The following NWD2 variants were observed in gnomAD, a reference collection of about 807,000 sequenced individuals.
NWD2 encodes NACHT and WD repeat domain-containing protein 2.
In NWD2, 37 loss-of-function variants were observed where a neutral mutation model predicts 132.7. The ratio of observed to expected loss-of-function variants is 0.28; its 90% CI spans 0.21 to 0.37. NWD2 has a LOEUF of 0.37. NWD2 is among the 10% of genes least tolerant of loss of function. The probability of loss-of-function intolerance (pLI) is 1.00; values close to 1 mark genes in which losing one functional copy is unlikely to be tolerated. For missense variants in NWD2, 1,592 were observed against 2,122.4 expected, an observed-to-expected ratio of 0.75 and a Z score of 4.91; for synonymous variants, 705 against 803.0, an observed-to-expected ratio of 0.88 and a Z score of 2.06.
At chr4:37,249,581 C>T (rs1303802056) in intron 1 of NWD2, among the ~76,000 whole-genome samples, 2 of 152,202 alleles carry the variant, frequency 1.3e-5, no homozygotes, top group East Asian at 3.8e-4. Flanking sequence ...GTCAGATTTT[C>T]CTTCCAACTG....
At chr4:37,391,392 T>A (rs1228191081) in intron 3 of NWD2, among the ~76,000 whole-genome samples, 1 of 152,210 alleles carries the variant, frequency 6.6e-6, no homozygotes, top group Non-Finnish European at 1.5e-5. Flanking sequence ...ATAATGCTCA[T>A]GCATGAACTG....
intron 2 of NWD2, among the ~76,000 whole-genome samples, chr4:37,351,777 G>T (rs777900009): frequency 6.6e-6 from 1 of 151,928 alleles, no homozygotes; most frequent in Non-Finnish European, 1.5e-5. Flanking sequence ...TTAGGGTGTC[G>T]ATTTTAGATC....
At chr4:37,262,502 A>C (rs911016824) in intron 1 of NWD2, among the ~76,000 whole-genome samples, 6 of 152,128 alleles carry the variant, frequency 3.9e-5, no homozygotes, top group African/African-American at 1.2e-4. Context: ...CTTGGGAAAA[A>C]AAGTAAGACA....
chr4:37,408,561 G>A (rs191372401), intron 3 of NWD2, among the ~76,000 whole-genome samples: 1 of 152,326 alleles, frequency 6.6e-6, no homozygotes, highest in East Asian at 1.9e-4. Flanking sequence ...CCATCTCAAT[G>A]GGACAGAGCA....
chr4:37,337,821 T>TGTTAG (rs1719441516), intron 2 of NWD2, among the ~76,000 whole-genome samples: 1 of 152,188 alleles, frequency 6.6e-6, no homozygotes, highest in Non-Finnish European at 1.5e-5. Context: ...AATGTTAATA[T>TGTTAG]GTTTAAAACA....
chr4:37,392,631 A>G (rs1283850257), intron 3 of NWD2, among the ~76,000 whole-genome samples: 1 of 152,206 alleles, frequency 6.6e-6, no homozygotes, highest in Non-Finnish European at 1.5e-5. Flanking sequence ...TAGCGAAACT[A>G]GGATCAAATG....
At chr4:37,295,922 C>T (rs1718480169) in intron 1 of NWD2, among the ~76,000 whole-genome samples, 1 of 152,102 alleles carries the variant, frequency 6.6e-6, no homozygotes, top group Admixed American at 6.5e-5. Context: ...TACGTTTGTC[C>T]ACTTACTAAA....
intron 6 of NWD2, among the ~76,000 whole-genome samples, chr4:37,441,424 G>A (rs1712481215): frequency 6.6e-6 from 1 of 152,178 alleles, no homozygotes; most frequent in African/African-American, 2.4e-5. Context: ...TTTCCTTGTG[G>A]AGGAAAGGAG....
intron 1 of NWD2, among the ~76,000 whole-genome samples, chr4:37,287,005 C>T (rs931938552): frequency 3.3e-5 from 5 of 152,128 alleles, no homozygotes; most frequent in South Asian, 4.2e-4. Flanking sequence ...AGGTGACTGA[C>T]GTGATCCATG....
chr4:37,264,517 TG>T (rs1354008957), intron 1 of NWD2, among the ~76,000 whole-genome samples: 10 of 152,294 alleles, frequency 6.6e-5, no homozygotes, highest in African/African-American at 2.4e-4. Context: ...TATTTATATC[TG>T]GATGTGCTCA....
intron 2 of NWD2, among the ~76,000 whole-genome samples, chr4:37,343,568 A>G (rs1479687785): frequency 6.6e-6 from 1 of 152,224 alleles, no homozygotes; most frequent in Non-Finnish European, 1.5e-5. Flanking sequence ...CTTCCATTGT[A>G]ATACCTTTGA....
intron 1 of NWD2, among the ~76,000 whole-genome samples, chr4:37,281,327 G>A (rs9999449): frequency 0.18 from 27,030 of 151,940 alleles, 2,976 homozygotes; most frequent in African/African-American, 0.31. Context: ...GGCCAGTTGG[G>A]GAGTTTAGTA....
Position 37,438,688 on chromosome 4 carries a change from A to G in NWD2, c.707-113A>G, listed in dbSNP as rs1330990976. ...AAATTATTCTAAAGATTACTTCGCT[A>G]CAAACCATAAGCAAAATAATTTACC... is the stretch of plus-strand genomic sequence containing the variant. On this transcript the variant is annotated intron_variant, in intron 5 of 6. Transcript: ENST00000309447. 4 of 726,762 alleles carry G rather than the reference A, an allele frequency of 5.5e-6. No homozygotes were observed. The East Asian group carries it at 8.2e-5, about 15-fold the overall frequency. 45.0% of individuals were successfully genotyped at this position (726,762 alleles called of 1,614,324 possible).
At chr4:37,266,439 T>A (rs1271225982) in intron 1 of NWD2, among the ~76,000 whole-genome samples, 6 of 152,080 alleles carry the variant, frequency 3.9e-5, no homozygotes, top group Admixed American at 3.3e-4. Flanking sequence ...TACAGGTTAC[T>A]TCAAGCTTAC....
intron 3 of NWD2, among the ~76,000 whole-genome samples, chr4:37,387,904 C>T (rs760227086): frequency 7.9e-5 from 12 of 151,704 alleles, no homozygotes; most frequent in Non-Finnish European, 1.2e-4. Context: ...GAGCTCCTGA[C>T]CTCAGGTGAT....
At chr4:37,377,029 A>C (rs778532059) in intron 3 of NWD2, among the ~76,000 whole-genome samples, 1 of 152,222 alleles carries the variant, frequency 6.6e-6, no homozygotes, top group South Asian at 2.1e-4. Flanking sequence ...GAAACATTTT[A>C]TCATTTTCCT....
chr4:37,275,108 G>T lies in NWD2; in HGVS notation c.151+29890G>T, dbSNP rs537317482. On this transcript the variant is annotated intron_variant, in intron 1 of 6. Transcript: ENST00000309447. ...AACCAGGCAGGAGAAGGAAATAAAG[G>T]GTATTCAATTAGGAAAAGAGGAAGT... is the stretch of plus-strand genomic sequence containing the variant. 2.6e-5 allele frequency among the ~76,000 whole-genome samples: 4 copies of T among 152,142 alleles called. No homozygotes were observed. The East Asian group carries it at 7.7e-4, about 29-fold the overall frequency.
chr4:37,293,826 G>C (rs1446708114), intron 1 of NWD2, among the ~76,000 whole-genome samples: 10 of 151,192 alleles, frequency 6.6e-5, no homozygotes, highest in African/African-American at 2.4e-4. Context: ...ACCAGCTATT[G>C]CAAGCTATGT....
chr4:37,248,714 A>G (rs1717293518), intron 1 of NWD2, among the ~76,000 whole-genome samples: 1 of 152,230 alleles, frequency 6.6e-6, no homozygotes. Flanking sequence ...TCTCCCTGTT[A>G]TTAGAGTGTA....
Sources: gnomAD v4.1 joint callset for allele counts (sites outside exome capture counted in the v4.1 genomes callset) on GRCh38, gnomAD v4.1.1 for gene constraint, MANE v1.5 for transcripts, NCBI Gene and HGNC (gene_info 2026-07-23, HGNC 2026-07-21) for gene names.